The following MON1A variants were observed in gnomAD, a reference collection of about 807,000 sequenced individuals.
MON1A encodes vacuolar fusion protein MON1 homolog A.
Under a neutral mutation model 44.6 loss-of-function variants are expected in MON1A, and 29 were observed. The ratio of observed to expected loss-of-function variants is 0.65; its 90% CI spans 0.48 to 0.89. The LOEUF is 0.89. Ranked by LOEUF, MON1A falls within the 40% of genes least tolerant of loss-of-function variation. MON1A has a pLI of 0.00. For synonymous variants in MON1A, 275 were observed against 316.4 expected, an observed-to-expected ratio of 0.87 and a Z score of 1.39; for missense variants, 615 against 759.6, an observed-to-expected ratio of 0.81 and a Z score of 2.24.
In MON1A at chr3:49,911,775, C is replaced by T; in HGVS notation, c.364G>A (p.Glu122Lys). ...GGTCGCCCAACTGCCCCTGGGGGTT[C>T]CAGCCAATCCTCAGAGCTTCCTGGC... is the stretch of plus-strand genomic sequence containing the variant. Reference protein sequence around the residue: ...MLPGSSEDWLEPPGAVGRPAT... With the variant: ...MLPGSSEDWLKPPGAVGRPAT... Residue 122 changes from glutamate (E) to lysine (K), a missense_variant, in exon 3 of 6, where the codon GAA (glutamate) becomes AAA (lysine). By Grantham distance (56) the Glu-to-Lys change is moderately conservative. Transcript: ENST00000296473. The surrounding 1 kb of genome is among the most constrained non-coding windows in gnomAD (Gnocchi z 5.7). 1 of 1,613,508 alleles carries T rather than the reference C, an allele frequency of 6.2e-7. No homozygotes were observed. Among genetic ancestry groups the T allele is most frequent in the Non-Finnish European group, 8.5e-7 (1 of 1,179,740 alleles).
chr3:49,910,694 GAGTAGGCGCCGCAAATCAT>G lies in MON1A; in HGVS notation c.785_803del (p.Tyr262SerfsTer22). On this transcript the variant is annotated frameshift_variant, in exon 4 of 6. Transcript: ENST00000296473. LOFTEE classifies it high-confidence loss of function. The surrounding 1 kb of genome is among the most constrained non-coding windows in gnomAD (Gnocchi z 8.0). ...TGTCGGTGATGCGCTCTGAGCCCGA[GAGTAGGCGCCGCAAATCAT>G]AGTTCTGCTTCTGCTGGAAGATGTG... The G allele has an allele frequency of 6.2e-7, 1 of 1,612,838 alleles. No homozygotes were observed. The highest frequency in any genetic ancestry group is 8.5e-7 in the Non-Finnish European group (1 of 1,179,394).
chr3:49,917,971 C>T (rs567500579), intron 1 of MON1A, among the ~76,000 whole-genome samples: 27 of 152,038 alleles, frequency 1.8e-4, no homozygotes, highest in African/African-American at 5.8e-4. Flanking sequence ...TCACTTGAAC[C>T]CGGGAGGCGG....
At position 49,923,051 on chromosome 3, in the gene MON1A, G is replaced by A. The variant is rs187587328; in HGVS notation, c.-14+6558C>T. ...CCTTTCAGTTGTTTGGTGAAAAACC[G>A]TGGAGTCAGCCGGGCACGGTTTCTC... On this transcript the variant is annotated intron_variant, in intron 1 of 5. Transcript: ENST00000296473. 4.6e-5 allele frequency among the ~76,000 whole-genome samples: 7 copies of A among 151,650 alleles called. No homozygotes were observed. In the East Asian group the frequency reaches 8.0e-4, roughly 17 times the overall value.
At position 49,910,276 on chromosome 3, in the gene MON1A, CAG is replaced by C. The variant is rs1321156509; in HGVS notation, c.1220_1221del (p.Ser407Ter). 1 of 1,614,110 alleles carries C rather than the reference CAG, an allele frequency of 6.2e-7. No individual in the cohort carries two copies. The highest frequency in any genetic ancestry group is 8.5e-7 in the Non-Finnish European group (1 of 1,179,984). The part of the protein sequence containing the change: ...STDREDFFAV[S>X]DCRRRFQERL... ...CGCTCCTGGAAGCGGCGGCGGCAGT[CAG>C]AGACTGCAAAGAAGTCCTCACGGTC... On this transcript the variant is annotated frameshift_variant, in exon 4 of 6. Transcript: ENST00000296473. LOFTEE classifies it high-confidence loss of function. The surrounding 1 kb of genome is among the most constrained non-coding windows in gnomAD (Gnocchi z 8.0).
At chr3:49,915,287 A>G (rs918668342) in intron 1 of MON1A, among the ~76,000 whole-genome samples, 1 of 152,206 alleles carries the variant, frequency 6.6e-6, no homozygotes, top group African/African-American at 2.4e-5. Context: ...CTTAGCAAAG[A>G]TTGGAGGCCA....
Position 49,909,084 on chromosome 3 carries a change from A to G in MON1A, c.1598T>C (p.Ile533Thr), listed in dbSNP as rs1322251678. Residue 533 changes from isoleucine (I) to threonine (T), a missense_variant, in exon 6 of 6, where the codon ATC (isoleucine) becomes ACC (threonine). Ile to Thr is a moderately conservative substitution (Grantham distance 89). Transcript: ENST00000296473. The surrounding 1 kb of genome is among the most constrained non-coding windows in gnomAD (Gnocchi z 4.0). Reference protein sequence around the residue: ...LGTKASAVSAIHKLMRWIRKE... With the variant: ...LGTKASAVSATHKLMRWIRKE... ...GCGGATCCAGCGCATCAGCTTATGGATGGCACTGACGGCTGACGCCTTGGT... is the reference window on the plus strand; with the variant it reads ...GCGGATCCAGCGCATCAGCTTATGGGTGGCACTGACGGCTGACGCCTTGGT... 4 of 1,613,782 alleles carry G rather than the reference A, an allele frequency of 2.5e-6. No individual in the cohort carries two copies. In the Admixed American group the frequency reaches 6.7e-5, roughly 27 times the overall value.
rs1228717727 is a variant in MON1A, at chr3:49,913,340, T to A, written c.7A>T (p.Thr3Ser). 6.2e-7 allele frequency: 1 copy of A among 1,611,852 alleles called. No individual in the cohort carries two copies. Among genetic ancestry groups the A allele is most frequent in the African/African-American group, 1.3e-5 (1 of 74,876 alleles). The stretch of plus-strand genomic sequence containing the variant: ...CTGCTTCTCTTCCTCTGCATGTCAG[T>A]AGCCATCCTTTGAGCTCTCCTGTGG... MATDMQRKRSSEC... is the reference protein window; with the variant it reads MASDMQRKRSSEC... Residue 3 changes from threonine to serine, a missense_variant, in exon 2 of 6, where the codon ACT becomes TCT. Coordinates refer to ENST00000296473, the MANE Select transcript of MON1A (RefSeq NM_032355.4).
intron 1 of MON1A, among the ~76,000 whole-genome samples, chr3:49,921,494 G>T (rs1011912721): frequency 2.0e-5 from 3 of 150,956 alleles, no homozygotes; most frequent in African/African-American, 7.3e-5. Flanking sequence ...AAAAAGGCCG[G>T]GTGCAGTGGC....
intron 1 of MON1A, among the ~76,000 whole-genome samples, chr3:49,919,878 A>C (rs2082981652): frequency 6.6e-6 from 1 of 152,200 alleles, no homozygotes; most frequent in Non-Finnish European, 1.5e-5. Flanking sequence ...AATCCAAGCC[A>C]CTAGCACCCT....
Position 49,917,915 on chromosome 3 carries a change from G to C in MON1A, c.-13-4556C>G, listed in dbSNP as rs541153801. Among the ~76,000 whole-genome samples, 12 of 152,172 alleles carry C rather than the reference G, an allele frequency of 7.9e-5. No individual in the cohort carries two copies. In the South Asian group the frequency reaches 8.3e-4, roughly 11 times the overall value. On this transcript the variant is annotated intron_variant, in intron 1 of 5. Transcript: ENST00000296473. ...TACAAAAAATTAGCCAGGCATGGTA[G>C]AGCATGCTTATAATCCCAGCTACTC...
In MON1A at chr3:49,911,249, T is replaced by TAGA. The variant is rs1559492035; in HGVS notation, c.613+276_613+277insTCT. Among the ~76,000 whole-genome samples, 339 of 54,114 alleles carry TAGA rather than the reference T, an allele frequency of 6.3e-3. 2 individuals carry two copies. The highest frequency in any genetic ancestry group is 0.024 in the African/African-American group (310 of 12,758). The allele number at this position is 54,114 out of a possible 152,430, so 35.5% of individuals were successfully genotyped here. A position where few individuals can be genotyped will look rare whatever the true frequency, so the allele number is the denominator to read the frequency against. On this transcript the variant is annotated intron_variant, in intron 3 of 5. Coordinates refer to ENST00000296473, the MANE Select transcript of MON1A (RefSeq NM_032355.4). The surrounding 1 kb of genome is among the most constrained non-coding windows in gnomAD (Gnocchi z 5.7). Reference sequence around the variant, plus strand: ...AGATAGATAGATAGATAGATAGAGTTTGTTGTTGTTGTTGTTGTTGCCTCC... The same window carrying TAGA: ...AGATAGATAGATAGATAGATAGAGTTAGATGTTGTTGTTGTTGTTGTTGCCTCC...
intron 1 of MON1A, among the ~76,000 whole-genome samples, chr3:49,918,270 G>T (rs907806224): frequency 2.0e-5 from 3 of 151,878 alleles, no homozygotes; most frequent in African/African-American, 7.3e-5. Flanking sequence ...CTGGGAGGCA[G>T]AGGTTGCAGT....
In MON1A at chr3:49,909,796, T is replaced by C; in HGVS notation, c.1379+323A>G. 1 of 352,016 alleles carries C rather than the reference T, an allele frequency of 2.8e-6. No homozygotes were observed. Among genetic ancestry groups the C allele is most frequent in the Non-Finnish European group, 5.2e-6 (1 of 193,706 alleles). 21.8% of individuals were successfully genotyped at this position (352,016 alleles called of 1,614,324 possible). A position where few individuals can be genotyped will look rare whatever the true frequency, so the allele number is the denominator to read the frequency against. On this transcript the variant is annotated intron_variant, in intron 4 of 5. Transcript: ENST00000296473. This position sits in a 1 kb window ranked among gnomAD's most constrained non-coding sequence, Gnocchi z 4.0. ...GCTGGGGGAGGGGGTGGAGGAGGGCTGTGCTTCCTGAGCTGGACCAAAATG... is the reference window on the plus strand; with the variant it reads ...GCTGGGGGAGGGGGTGGAGGAGGGCCGTGCTTCCTGAGCTGGACCAAAATG...
chr3:49,913,378 C>A lies in MON1A; in HGVS notation c.-13-19G>T. On this transcript the variant is annotated intron_variant, in intron 1 of 5. Transcript: ENST00000296473. ...AGCTCTCCTGTGGGGCAAACAAATGCAACATCGATGGCTTTTGGCAGGGTC... is the reference window on the plus strand; with the variant it reads ...AGCTCTCCTGTGGGGCAAACAAATGAAACATCGATGGCTTTTGGCAGGGTC... The A allele has an allele frequency of 6.3e-7, 1 of 1,597,348 alleles. No individual in the cohort carries two copies. Among genetic ancestry groups the A allele is most frequent in the Non-Finnish European group, 8.6e-7 (1 of 1,167,526 alleles).
At chr3:49,920,060 T>C (rs1216211986) in intron 1 of MON1A, among the ~76,000 whole-genome samples, 1 of 152,192 alleles carries the variant, frequency 6.6e-6, no homozygotes, top group African/African-American at 2.4e-5. Context: ...AAAGCAGGAA[T>C]TGTCTCTGCC....
At chr3:49,921,404 T>C (rs1237469242) in intron 1 of MON1A, among the ~76,000 whole-genome samples, 1 of 149,876 alleles carries the variant, frequency 6.7e-6, no homozygotes, top group African/African-American at 2.4e-5. Context: ...ATGATCCGCC[T>C]GCCTCAGCCT....
Position 49,909,236 on chromosome 3 carries a change from T to G in MON1A, c.1527+17A>C, listed in dbSNP as rs2082846335. On this transcript the variant is annotated intron_variant, in intron 5 of 5. Transcript: ENST00000296473. This position sits in a 1 kb window ranked among gnomAD's most constrained non-coding sequence, Gnocchi z 4.0. The stretch of plus-strand genomic sequence containing the variant: ...TAGGACCTCCATAAAGCCCAGCCCA[T>G]CCCAGGGCTGCCTTACCCAGGCCAG... 6.2e-7 allele frequency: 1 copy of G among 1,613,492 alleles called. No homozygotes were observed. Among genetic ancestry groups the G allele is most frequent in the Non-Finnish European group, 8.5e-7 (1 of 1,179,884 alleles).
intron 1 of MON1A, among the ~76,000 whole-genome samples, chr3:49,927,238 G>C (rs1559497042): frequency 6.6e-6 from 1 of 152,176 alleles, no homozygotes. Flanking sequence ...AGGTGTTCAG[G>C]AACAATGGCT....
chr3:49,912,902 A>G (rs2082902789), intron 2 of MON1A: 1 of 457,588 alleles, frequency 2.2e-6, no homozygotes, highest in South Asian at 2.0e-5. Context: ...TTAGTGTGCT[A>G]TACAGAGCAT....
Sources: allele counts gnomAD v4.1 joint callset (sites outside exome capture counted in the v4.1 genomes callset), GRCh38; gene constraint gnomAD v4.1.1; non-coding constraint Gnocchi (gnomAD v3.1); transcripts MANE v1.5; gene names NCBI Gene and HGNC (gene_info 2026-07-23, HGNC 2026-07-21).